The following ZNF512 variants were observed in gnomAD, a reference collection of about 807,000 sequenced individuals.
ZNF512 encodes the protein zinc finger protein 512.
ZNF512 carries 25 observed loss-of-function variants against 77.5 expected under a neutral mutation model. That is an observed-to-expected ratio of 0.32 (90% CI 0.23 to 0.45). ZNF512 has a LOEUF of 0.45. ZNF512 is among the 20% of genes least tolerant of loss of function. The probability of loss-of-function intolerance (pLI) is 1.00; values close to 1 mark genes in which losing one functional copy is unlikely to be tolerated. For synonymous variants in ZNF512, 246 were observed against 239.9 expected (o/e 1.03, Z -0.24); for missense variants, 483 against 692.6 (o/e 0.70, Z 3.40).
chr2:27,598,464 C>T (rs551147628), intron 3 of ZNF512, among the ~76,000 whole-genome samples: 5 of 151,964 alleles, frequency 3.3e-5, no homozygotes, highest in Non-Finnish European at 7.4e-5. Flanking sequence ...CCCGTCTCTA[C>T]TAAAAATACA....
intron 5 of ZNF512, 73 bp from the exon 6 acceptor site, chr2:27,600,618 A>G: frequency 6.5e-7 from 1 of 1,539,208 alleles, no homozygotes; most frequent in Non-Finnish European, 8.8e-7. Flanking sequence ...TACTTTTCCT[A>G]AATCGTGGGA....
rs1673134482 is a variant in ZNF512 at position 27,621,745 on chromosome 2, A to G, written c.*284A>G. 1 of 271,630 alleles carries G rather than the reference A, an allele frequency of 3.7e-6. No individual in the cohort carries two copies. Among genetic ancestry groups the G allele is most frequent in the South Asian group, 6.5e-5 (1 of 15,462 alleles). The allele number at this position is 271,630 out of a possible 1,614,324, so 16.8% of individuals were successfully genotyped here. A position where few individuals can be genotyped will look rare whatever the true frequency, so the allele number is the denominator to read the frequency against. On this transcript the variant is annotated 3_prime_UTR_variant, in exon 14 of 14. Coordinates refer to ENST00000355467, the MANE Select transcript of ZNF512 (RefSeq NM_032434.4). ...CAACTATAGGCTCCTCTTGCCCTGT[A>G]CAAAACTAAGAAACCTCTTTGGTTG...
At chr2:27,602,687 T>G in intron 8 of ZNF512, 126 bp downstream of exon 8, 1 of 711,676 alleles carries the variant, frequency 1.4e-6, no homozygotes, top group Non-Finnish European at 2.2e-6. Context: ...GTCTCTTGAA[T>G]CATTAATAGT....
In ZNF512 at chr2:27,621,222, C is replaced by CAAG. The variant is rs747863856; in HGVS notation, c.1474_1476dup (p.Glu492dup). 9 of 1,614,146 alleles carry CAAG rather than the reference C, an allele frequency of 5.6e-6. No homozygotes were observed. The highest frequency in any genetic ancestry group is 7.6e-6 in the Non-Finnish European group (9 of 1,180,034). The stretch of plus-strand genomic sequence containing the variant: ...GCTGATGAAGATAAAGCAGCGGCAG[C>CAAG]AAGAAGAAGAAAAGCGGAGGCAGCA... On this transcript the variant is annotated inframe_insertion, in exon 14 of 14. Coordinates refer to ENST00000355467, the MANE Select transcript of ZNF512 (RefSeq NM_032434.4).
At chr2:27,591,690 C>T (rs113524863) in intron 2 of ZNF512, among the ~76,000 whole-genome samples, 3,558 of 152,252 alleles carry the variant, frequency 0.023, 149 homozygotes, top group African/African-American at 0.081. Flanking sequence ...ATTACAGGCG[C>T]GAGTCACCGC....
rs1031990975 is a variant in ZNF512 at position 27,604,559 on chromosome 2, T to C, written c.936+1252T>C. 4.6e-5 allele frequency among the ~76,000 whole-genome samples: 7 copies of C among 152,224 alleles called. No individual in the cohort carries two copies. In the South Asian group the frequency reaches 1.5e-3, roughly 32 times the overall value. On this transcript the variant is annotated intron_variant, in intron 9 of 13. Transcript: ENST00000355467. The stretch of plus-strand genomic sequence containing the variant: ...ACTTTGGGAAGCTGAGGTGGGTGGA[T>C]TGCCTGAGTCCAGGAGTTTGAGACT...
intron 10 of ZNF512, among the ~76,000 whole-genome samples, chr2:27,609,583 T>C (rs1479498016): frequency 6.6e-6 from 1 of 151,664 alleles, no homozygotes; most frequent in Non-Finnish European, 1.5e-5. Flanking sequence ...TTTTTAAAAT[T>C]AGTGGCTGGG....
chr2:27,615,940 C>T (rs767811830), intron 11 of ZNF512, among the ~76,000 whole-genome samples: 14 of 152,070 alleles, frequency 9.2e-5, no homozygotes, highest in Admixed American at 7.2e-4. Context: ...GAAGTGGGAA[C>T]ACATTTGCAC....
chr2:27,590,231 G>A (rs1671514983), intron 2 of ZNF512, among the ~76,000 whole-genome samples: 1 of 152,052 alleles, frequency 6.6e-6, no homozygotes, highest in Non-Finnish European at 1.5e-5. Flanking sequence ...GTATTTTGAG[G>A]CTCTATTATT....
intron 2 of ZNF512, among the ~76,000 whole-genome samples, chr2:27,584,388 T>C (rs1029707074): frequency 6.6e-6 from 1 of 152,260 alleles, no homozygotes; most frequent in African/African-American, 2.4e-5. Context: ...TGCTTAGTTT[T>C]TCCATGGTTA....
At chr2:27,607,208 G>A (rs1235197246) in intron 9 of ZNF512, among the ~76,000 whole-genome samples, 1 of 152,070 alleles carries the variant, frequency 6.6e-6, no homozygotes, top group African/African-American at 2.4e-5. Flanking sequence ...TCATACACAG[G>A]ATCACACGCA....
chr2:27,606,909 T>G (rs1025677093), intron 9 of ZNF512, among the ~76,000 whole-genome samples: 1 of 152,172 alleles, frequency 6.6e-6, no homozygotes, highest in South Asian at 2.1e-4. Context: ...TCCGTGCAGT[T>G]GCAGGAGTTC....
chr2:27,588,297 C>T (rs1367584846), intron 2 of ZNF512, among the ~76,000 whole-genome samples: 1 of 151,950 alleles, frequency 6.6e-6, no homozygotes, highest in African/African-American at 2.4e-5. Context: ...GCACTCCAGC[C>T]TGGGCGACAG....
At chr2:27,608,803 G>A (rs1042686977) in intron 10 of ZNF512, among the ~76,000 whole-genome samples, 1 of 151,998 alleles carries the variant, frequency 6.6e-6, no homozygotes, top group African/African-American at 2.4e-5. Context: ...TATGTGAGAG[G>A]AATGTTATGT....
At chr2:27,602,387 C>A in intron 7 of ZNF512, 76 bp from the exon 8 acceptor site, 1 of 1,429,016 alleles carries the variant, frequency 7.0e-7, no homozygotes, top group Non-Finnish European at 9.5e-7. Context: ...ATCCTTGATT[C>A]TCCTCTGATA....
In ZNF512 at chr2:27,583,106, G is replaced by A; in HGVS notation, c.-7G>A. On this transcript the variant is annotated 5_prime_UTR_variant, in exon 1 of 14. Coordinates refer to ENST00000355467, the MANE Select transcript of ZNF512 (RefSeq NM_032434.4). ...TGGGTGAAATTGTTAGGCGTGGAGA[G>A]GGAGTGATGTCTTCCAGACTCGGTG... 6.2e-7 allele frequency: 1 copy of A among 1,614,194 alleles called. No individual in the cohort carries two copies. Among genetic ancestry groups the A allele is most frequent in the Non-Finnish European group, 8.5e-7 (1 of 1,180,040 alleles).
chr2:27,615,762 A>G lies in ZNF512; in HGVS notation c.1233+493A>G, dbSNP rs557253761. Among the ~76,000 whole-genome samples the G allele has an allele frequency of 1.6e-4, 25 of 152,322 alleles. No homozygotes were observed. The South Asian group carries it at 4.6e-3, about 28-fold the overall frequency. On this transcript the variant is annotated intron_variant, in intron 11 of 13. Coordinates refer to ENST00000355467, the MANE Select transcript of ZNF512 (RefSeq NM_032434.4). Reference sequence around the variant, plus strand: ...TAACCCAGATTCACAGGAAGGGTAAATAGACTCCACTTCTTGATGGCAAGA... The same window carrying G: ...TAACCCAGATTCACAGGAAGGGTAAGTAGACTCCACTTCTTGATGGCAAGA...
intron 2 of ZNF512, 75 bp from the exon 3 acceptor site, chr2:27,597,992 G>T: frequency 7.8e-7 from 1 of 1,282,638 alleles, no homozygotes; most frequent in Non-Finnish European, 1.1e-6. Flanking sequence ...AACCAACTTG[G>T]TTATAATGTA....
Position 27,617,517 on chromosome 2 carries a change from A to G in ZNF512, c.1341A>G (p.Lys447=). ...AGKYKCLLCQ[K]EFVSESGVKY... is the part of the protein sequence containing the mutation. ...AATACAAATGTCTTCTATGTCAGAA[A>G]GAATTTGTGTCAGAGAGTGGTGTCA... is the stretch of plus-strand genomic sequence containing the variant. Residue 447 remains lysine, a synonymous_variant, in exon 13 of 14, where the codon AAA becomes AAG. Transcript: ENST00000355467. The G allele has an allele frequency of 1.3e-6, 2 of 1,522,588 alleles. No individual in the cohort carries two copies. The highest frequency in any genetic ancestry group is 1.1e-5 in the South Asian group (1 of 89,164). The allele number at this position is 1,522,588 out of a possible 1,614,324, so 94.3% of individuals were successfully genotyped here. A position where few individuals can be genotyped will look rare whatever the true frequency, so the allele number is the denominator to read the frequency against.
Sources: allele counts gnomAD v4.1 joint callset (sites outside exome capture counted in the v4.1 genomes callset), GRCh38; gene constraint gnomAD v4.1.1; transcripts MANE v1.5; gene names NCBI Gene and HGNC (gene_info 2026-07-23, HGNC 2026-07-21).